Variants in SYN3 observed in about 807,000 individuals in gnomAD.
The protein encoded by SYN3 is synapsin III.
A neutral mutation model predicts 65.8 loss-of-function variants in SYN3; 35 were observed. The ratio of observed to expected loss-of-function variants is 0.53; its 90% CI spans 0.41 to 0.70. SYN3 has a LOEUF of 0.70. SYN3 is among the 30% of genes least tolerant of loss of function. The pLI, the probability that SYN3 is intolerant of heterozygous loss-of-function variation, is 0.00. For synonymous variants in SYN3, 270 were observed against 292.9 expected (o/e 0.92, Z 0.80); for missense variants, 680 against 749.0 (o/e 0.91, Z 1.08).
At chr22:32,911,534 G>A (rs1478411509) in intron 4 of SYN3, among the ~76,000 whole-genome samples, 2 of 152,134 alleles carry the variant, frequency 1.3e-5, no homozygotes, top group Admixed American at 1.3e-4. Flanking sequence ...GCCTGTGGGG[G>A]CCTGGGATGG....
chr22:32,670,984 G>C (rs2060353024), intron 6 of SYN3, among the ~76,000 whole-genome samples: 1 of 152,322 alleles, frequency 6.6e-6, no homozygotes, highest in South Asian at 2.1e-4. Flanking sequence ...ACGGAGCAAA[G>C]TGTGGTGGAC....
rs58485646 is a variant in SYN3, at chr22:32,956,062, A to AT, written c.369+24582_370-24581insA. 2.1e-4 allele frequency among the ~76,000 whole-genome samples: 30 copies of AT among 144,930 alleles called. No homozygotes were observed. The East Asian group carries it at 4.5e-3, about 22-fold the overall frequency. On this transcript the variant is annotated intron_variant, in intron 3 of 13. Transcript: ENST00000358763. ...TTCACATATATATATATATATATAT[A>AT]AAATCTCCTATTAGTTCTGTCCCTG...
At chr22:32,997,598 A>C (rs2052918329) in intron 2 of SYN3, among the ~76,000 whole-genome samples, 1 of 152,086 alleles carries the variant, frequency 6.6e-6, no homozygotes, top group African/African-American at 2.4e-5. Flanking sequence ...ATGCTTAACA[A>C]CCAGTTCTCT....
intron 6 of SYN3, among the ~76,000 whole-genome samples, chr22:32,797,708 T>C (rs1423512306): frequency 1.3e-5 from 2 of 152,144 alleles, no homozygotes; most frequent in Admixed American, 6.5e-5. Flanking sequence ...GGTAGCAATA[T>C]AGGAACTCAG....
chr22:32,926,321 G>T (rs2050468818), intron 4 of SYN3, among the ~76,000 whole-genome samples: 1 of 152,198 alleles, frequency 6.6e-6, no homozygotes, highest in Admixed American at 6.5e-5. Flanking sequence ...GTGCTATGAA[G>T]AAGTACATGA....
chr22:33,004,882 T>C (rs148656305), intron 2 of SYN3, among the ~76,000 whole-genome samples: 1,744 of 152,214 alleles, frequency 0.011, 13 homozygotes, highest in Middle Eastern at 0.037. Context: ...CCAAATTTCA[T>C]CTTGAATTGT....
At chr22:32,671,295 GAC>G in intron 6 of SYN3, among the ~76,000 whole-genome samples, 1 of 150,982 alleles carries the variant, frequency 6.6e-6, no homozygotes, top group South Asian at 2.1e-4. Flanking sequence ...CATGCTCACA[GAC>G]ACGCACACAT....
At chr22:32,854,697 C>T (rs2048315096) in intron 6 of SYN3, among the ~76,000 whole-genome samples, 1 of 152,146 alleles carries the variant, frequency 6.6e-6, no homozygotes, top group Non-Finnish European at 1.5e-5. Flanking sequence ...CATCGTGACT[C>T]TACCCACCCC....
intron 2 of SYN3, among the ~76,000 whole-genome samples, chr22:32,990,944 G>C (rs2052695075): frequency 6.6e-6 from 1 of 152,118 alleles, no homozygotes; most frequent in African/African-American, 2.4e-5. Context: ...CCAGCACTTT[G>C]GGAGACCAAG....
Position 32,528,207 on chromosome 22 carries a change from A to G in SYN3, c.1231-202T>C, listed in dbSNP as rs193124312. ...CACTGCCCAGATCAAAACAGAGGGC[A>G]TTCTCTGCGATAAAGCCTGCCCCGT... is the stretch of plus-strand genomic sequence containing the variant. On this transcript the variant is annotated intron_variant, in intron 11 of 13. Coordinates refer to ENST00000358763, the MANE Select transcript of SYN3 (RefSeq NM_003490.4). Among the ~76,000 whole-genome samples, 9 of 152,344 alleles carry G rather than the reference A, an allele frequency of 5.9e-5. No homozygotes were observed. The East Asian group carries it at 1.7e-3, about 29-fold the overall frequency.
chr22:32,524,259 G>A (rs1172830860), intron 12 of SYN3, among the ~76,000 whole-genome samples: 2 of 152,014 alleles, frequency 1.3e-5, no homozygotes, highest in Non-Finnish European at 2.9e-5. Flanking sequence ...GCCTTCTATT[G>A]GAAGAAGATA....
intron 3 of SYN3, among the ~76,000 whole-genome samples, chr22:32,959,837 C>A (rs187368644): frequency 6.6e-6 from 1 of 152,294 alleles, no homozygotes; most frequent in African/African-American, 2.4e-5. Flanking sequence ...TCAAGTGATC[C>A]TTTTGCCTTG....
At chr22:32,865,949 T>C (rs1002484596) in intron 5 of SYN3, among the ~76,000 whole-genome samples, 1 of 152,014 alleles carries the variant, frequency 6.6e-6, no homozygotes, top group Non-Finnish European at 1.5e-5. Flanking sequence ...GGGTGTGCAT[T>C]GAGACTAATG....
At chr22:33,013,993 C>G (rs2053410523) in intron 1 of SYN3, among the ~76,000 whole-genome samples, 1 of 151,558 alleles carries the variant, frequency 6.6e-6, no homozygotes, top group Admixed American at 6.6e-5. Context: ...CAGCCTCAAC[C>G]TCCCAGGCTT....
chr22:32,829,949 TG>T (rs1178583662), intron 6 of SYN3, among the ~76,000 whole-genome samples: 2 of 152,256 alleles, frequency 1.3e-5, no homozygotes, highest in African/African-American at 4.8e-5. Flanking sequence ...TGCCTCTTGC[TG>T]GGCCTCTCTC....
Position 32,511,741 on chromosome 22 carries a change from A to C in SYN3, c.*1951T>G, listed in dbSNP as rs1388270796. On this transcript the variant is annotated 3_prime_UTR_variant, in exon 14 of 14. Transcript: ENST00000358763. ...TGAGCCTACCAGTCTCCAGCTGCCA[A>C]ATTATGGCTCCCAATAGTCACTGGC... 6.6e-6 allele frequency among the ~76,000 whole-genome samples: 1 copy of C among 152,190 alleles called. No individual in the cohort carries two copies. The highest frequency in any genetic ancestry group is 1.5e-5 in the Non-Finnish European group (1 of 68,038).
chr22:32,933,582 C>T (rs775462764), intron 3 of SYN3, among the ~76,000 whole-genome samples: 3 of 152,156 alleles, frequency 2.0e-5, no homozygotes, highest in Non-Finnish European at 4.4e-5. Flanking sequence ...GTATCTGCCA[C>T]CACACCCAGC....
At chr22:32,600,191 C>G (rs1164485570) in intron 6 of SYN3, among the ~76,000 whole-genome samples, 1 of 152,102 alleles carries the variant, frequency 6.6e-6, no homozygotes, top group African/African-American at 2.4e-5. Flanking sequence ...ACTAGACAGT[C>G]CCATCTGGGG....
At chr22:32,950,571 T>C (rs567818674) in intron 3 of SYN3, among the ~76,000 whole-genome samples, 2 of 152,320 alleles carry the variant, frequency 1.3e-5, no homozygotes, top group Non-Finnish European at 2.9e-5. Context: ...GGGAGCTTCT[T>C]CTGATTCCCA....
Sources: allele counts gnomAD v4.1 joint callset (sites outside exome capture counted in the v4.1 genomes callset), GRCh38; gene constraint gnomAD v4.1.1; transcripts MANE v1.5; gene names NCBI Gene and HGNC (gene_info 2026-07-23, HGNC 2026-07-21).